FLYWCH1: variants seen among roughly 807,000 people sequenced by gnomAD.
The protein encoded by FLYWCH1 is FLYWCH-type zinc finger-containing protein 1.
FLYWCH1 carries 75 observed loss-of-function variants against 66.4 expected under a neutral mutation model. That is an observed-to-expected ratio of 1.13 (90% CI 0.94 to 1.37). The LOEUF (loss-of-function observed/expected upper bound fraction) is 1.37. Ranked by LOEUF, FLYWCH1 falls within the 40% of genes most tolerant of loss-of-function variation. The pLI is 0.00. For synonymous variants in FLYWCH1, 595 were observed against 429.9 expected (o/e 1.38, Z -4.75); for missense variants, 1,334 against 1,001.8 (o/e 1.33, Z -4.48).
At chr16:2,937,096 C>A (rs1469143753) in intron 6 of FLYWCH1, 25 bp from the exon 7 acceptor site, 3 of 1,582,622 alleles carry the variant, frequency 1.9e-6, no homozygotes, top group Non-Finnish European at 2.6e-6. Flanking sequence ...GTGTCCGCTG[C>A]TCCTCCCCTC....
rs55904003 is a variant in FLYWCH1 at position 2,912,388 on chromosome 16, G to A, written c.-188+234G>A. Among the ~76,000 whole-genome samples, 415 of 59,744 alleles carry A rather than the reference G, an allele frequency of 6.9e-3. 1 individual carries two copies. Among genetic ancestry groups the A allele is most frequent in the Non-Finnish European group, 0.011 (343 of 31,790 alleles). 39.2% of individuals were successfully genotyped at this position (59,744 alleles called of 152,430 possible). A position where few individuals can be genotyped will look rare whatever the true frequency, so the allele number is the denominator to read the frequency against. ...CGACACCCCCACATCAAGGATCCCC[G>A]CACTCGTCCGCCGTTTCCTGGCGGT... is the stretch of plus-strand genomic sequence containing the variant. On this transcript the variant is annotated intron_variant, in intron 1 of 9. Transcript: ENST00000253928.
intron 8 of FLYWCH1, among the ~76,000 whole-genome samples, 158 bp downstream of exon 8, chr16:2,938,614 T>G (rs1040327919): frequency 1.3e-5 from 2 of 149,610 alleles, no homozygotes; most frequent in East Asian, 2.0e-4. Flanking sequence ...TTTGTTTTTT[T>G]TTTTTTTTTT....
At position 2,929,997 on chromosome 16, in the gene FLYWCH1, C is replaced by T; in HGVS notation, c.312C>T (p.Ser104=). 1 of 1,604,482 alleles carries T rather than the reference C, an allele frequency of 6.2e-7. No individual in the cohort carries two copies. The highest frequency in any genetic ancestry group is 2.2e-5 in the East Asian group (1 of 44,560). Residue 104 remains serine, a synonymous_variant, in exon 3 of 10, where the codon AGC becomes AGT. Transcript: ENST00000253928. ...TAGAGATGCCTGAACAGAAGTGCAG[C>T]AAGCTGGATGCAGGTGAGGTGTGGC... ...PALEMPEQKC[S]KLDAAAPQSL...
chr16:2,934,066 T>A, intron 6 of FLYWCH1, 87 bp downstream of exon 6: 1 of 1,391,686 alleles, frequency 7.2e-7, no homozygotes, highest in East Asian at 2.5e-5. Context: ...CGGCTCCCCC[T>A]GGCAAACGTC....
Position 2,933,933 on chromosome 16 carries a change from G to A in FLYWCH1, c.1467G>A (p.Leu489=). Residue 489 remains leucine, a synonymous_variant, in exon 6 of 10, where the codon CTG becomes CTA. Transcript: ENST00000253928. ...CCGACCTGGGAGGCCTGGAGGCCCT[G>A]AGGCAGCGGGAGAAACGCCCCAACA... ...HPPDLGGLEA[L]RQREKRPNTA... is the part of the protein sequence containing the mutation. 1 of 1,565,776 alleles carries A rather than the reference G, an allele frequency of 6.4e-7. No homozygotes were observed. The highest frequency in any genetic ancestry group is 1.8e-4 in the Middle Eastern group (1 of 5,636).
rs200737177 is a variant in FLYWCH1 at position 2,933,270 on chromosome 16, C to T, written c.937C>T (p.Arg313Trp). 3.7e-4 allele frequency: 592 copies of T among 1,612,830 alleles called. 3 individuals carry two copies. The African/African-American group carries it at 5.3e-3, about 15-fold the overall frequency. The change falls in exon 5 of 10, where the codon CGG (arginine) becomes TGG (tryptophan). Residue 313 changes from arginine to tryptophan, a missense_variant. Transcript: ENST00000253928. ...CCGGGACCACGCGCTGCACGGCTGC[C>T]GGAGCCGGGCCATCACCCAGGGACA... ...TCRDHALHGC[R>W]SRAITQGQRV... is the part of the protein sequence containing the mutation.
intron 2 of FLYWCH1, among the ~76,000 whole-genome samples, chr16:2,918,412 G>A (rs1261485662): frequency 6.6e-6 from 1 of 151,544 alleles, no homozygotes; most frequent in Non-Finnish European, 1.5e-5. Context: ...CTTCTAAAGT[G>A]CTGGGATTAC....
At chr16:2,928,275 C>G (rs948050412) in intron 2 of FLYWCH1, among the ~76,000 whole-genome samples, 3 of 152,210 alleles carry the variant, frequency 2.0e-5, no homozygotes, top group Non-Finnish European at 4.4e-5. Flanking sequence ...AGAGGTTTCC[C>G]TCTTTCACTC....
At position 2,948,948 on chromosome 16, in the gene FLYWCH1, C is replaced by T. The variant is rs1318689624; in HGVS notation, c.*221C>T. 2 of 549,030 alleles carry T rather than the reference C, an allele frequency of 3.6e-6. No individual in the cohort carries two copies. The highest frequency in any genetic ancestry group is 6.6e-6 in the Non-Finnish European group (2 of 304,504). 34.0% of individuals were successfully genotyped at this position (549,030 alleles called of 1,614,324 possible). A position where few individuals can be genotyped will look rare whatever the true frequency, so the allele number is the denominator to read the frequency against. ...TGCTCAGAGCTGGCGCTTGCAGACG[C>T]AGCTGTCGTGGGGCAGGGCGGTGGC... On this transcript the variant is annotated 3_prime_UTR_variant, in exon 10 of 10. Transcript: ENST00000253928.
intron 6 of FLYWCH1, chr16:2,934,500 T>C (rs1318059917): frequency 5.2e-6 from 2 of 380,972 alleles, no homozygotes; most frequent in Non-Finnish European, 1.0e-5. Context: ...CCCCCCGCAG[T>C]GCCTGGTGTT....
chr16:2,927,697 A>C (rs934303449), intron 2 of FLYWCH1, among the ~76,000 whole-genome samples: 2 of 152,212 alleles, frequency 1.3e-5, no homozygotes, highest in African/African-American at 4.8e-5. Flanking sequence ...TGAGACTCTT[A>C]ATCTCAGGGT....
intron 2 of FLYWCH1, among the ~76,000 whole-genome samples, chr16:2,926,817 GA>G (rs1403709867): frequency 2.6e-5 from 4 of 152,150 alleles, no homozygotes; most frequent in Non-Finnish European, 5.9e-5. Flanking sequence ...AAATTGGGGG[GA>G]AAAGTGGGGC....
chr16:2,928,663 T>C (rs2070653327), intron 2 of FLYWCH1, among the ~76,000 whole-genome samples: 1 of 152,112 alleles, frequency 6.6e-6, no homozygotes, highest in Admixed American at 6.5e-5. Flanking sequence ...TGGAGTTTCT[T>C]ATGTCTTCCT....
At chr16:2,936,147 G>C (rs1036863879) in intron 6 of FLYWCH1, 1 of 307,128 alleles carries the variant, frequency 3.3e-6, no homozygotes, top group Non-Finnish European at 6.5e-6. Context: ...TCCTGACCTC[G>C]TGATCCGCCT....
chr16:2,940,529 G>A (rs558545526), intron 9 of FLYWCH1, among the ~76,000 whole-genome samples: 3 of 152,274 alleles, frequency 2.0e-5, no homozygotes, highest in Admixed American at 6.5e-5. Context: ...TCTACCTTCC[G>A]GGTTCAAGCA....
At chr16:2,937,029 G>A (rs1196290664) in intron 6 of FLYWCH1, 92 bp from the exon 7 acceptor site, 4 of 1,386,012 alleles carry the variant, frequency 2.9e-6, no homozygotes, top group African/African-American at 2.9e-5. Context: ...AGGAGGAGGT[G>A]TGGGCGTTGT....
intron 9 of FLYWCH1, among the ~76,000 whole-genome samples, chr16:2,941,995 C>CAAAAAAAAAAAAA (rs748281347): frequency 6.0e-5 from 2 of 33,604 alleles, no homozygotes; most frequent in African/African-American, 1.5e-4. Context: ...AGACTCATCT[C>CAAAAAAAAAAAAA]AAAAAAAAAA....
intron 2 of FLYWCH1, among the ~76,000 whole-genome samples, chr16:2,924,796 C>T (rs1040603151): frequency 2.0e-5 from 3 of 152,202 alleles, no homozygotes; most frequent in African/African-American, 7.2e-5. Context: ...AGAGTGGGAA[C>T]GGGTCCTCAG....
intron 2 of FLYWCH1, among the ~76,000 whole-genome samples, chr16:2,924,889 C>G (rs1480463611): frequency 1.3e-5 from 2 of 152,226 alleles, no homozygotes; most frequent in African/African-American, 2.4e-5. Context: ...CTTGGAAGCC[C>G]TTTAAACAGA....
Sources: gnomAD v4.1 joint callset for allele counts (sites outside exome capture counted in the v4.1 genomes callset) on GRCh38, gnomAD v4.1.1 for gene constraint, MANE v1.5 for transcripts, NCBI Gene and HGNC (gene_info 2026-07-23, HGNC 2026-07-21) for gene names.